The following PPP2R5A variants were observed in gnomAD, a reference collection of about 807,000 sequenced individuals.
PPP2R5A encodes serine/threonine-protein phosphatase 2A 56 kDa regulatory subunit alpha isoform.
PPP2R5A carries 25 observed loss-of-function variants against 64.2 expected under a neutral mutation model. That is an observed-to-expected ratio of 0.39 (90% CI 0.28 to 0.54). The LOEUF (loss-of-function observed/expected upper bound fraction) is 0.54, where lower values mean the gene tolerates loss of function less well. Ranked by LOEUF, PPP2R5A falls within the 20% of genes least tolerant of loss-of-function variation. The pLI is 0.67. For missense variants in PPP2R5A, 425 were observed against 576.3 expected (o/e 0.74, Z 2.69); for synonymous variants, 198 against 201.2 (o/e 0.98, Z 0.13).
At chr1:212,326,241 TG>T (rs955978285) in intron 1 of PPP2R5A, among the ~76,000 whole-genome samples, 33 of 144,036 alleles carry the variant, frequency 2.3e-4, no homozygotes, top group African/African-American at 3.2e-4. Context: ...GCAAATTCAA[TG>T]TTTTTTTTTT....
At chr1:212,334,020 A>G (rs1659550647) in intron 3 of PPP2R5A, 1 of 153,388 alleles carries the variant, frequency 6.5e-6, no homozygotes, top group Admixed American at 6.5e-5. Flanking sequence ...TATAAGTGAA[A>G]TTATGTAATA....
At chr1:212,353,274 C>T (rs1362681359) in intron 8 of PPP2R5A, among the ~76,000 whole-genome samples, 1 of 152,172 alleles carries the variant, frequency 6.6e-6, no homozygotes. Flanking sequence ...GCCAAGACAG[C>T]GAGTCTACTA....
intron 1 of PPP2R5A, among the ~76,000 whole-genome samples, chr1:212,314,557 A>ATTTT (rs1212438178): frequency 7.8e-6 from 1 of 127,826 alleles, no homozygotes; most frequent in African/African-American, 3.0e-5. Context: ...CACCAAGCCT[A>ATTTT]TTTTTTTTTT....
chr1:212,352,124 C>T (rs1322082336), intron 8 of PPP2R5A, among the ~76,000 whole-genome samples: 1 of 151,358 alleles, frequency 6.6e-6, no homozygotes, highest in Non-Finnish European at 1.5e-5. Context: ...CCTGGGTTCA[C>T]GCAATTCTTG....
chr1:212,333,701 CTT>C, intron 3 of PPP2R5A, 103 bp downstream of exon 3: 1 of 610,808 alleles, frequency 1.6e-6, no homozygotes, highest in Non-Finnish European at 2.6e-6. Context: ...AAATATTTGA[CTT>C]TTATGGTTTT....
chr1:212,358,565 A>G, intron 11 of PPP2R5A, 121 bp from the exon 12 acceptor site: 1 of 654,258 alleles, frequency 1.5e-6, no homozygotes, highest in Non-Finnish European at 2.6e-6. Flanking sequence ...CCTCAGTTTT[A>G]TCATCTCTAA....
intron 1 of PPP2R5A, among the ~76,000 whole-genome samples, chr1:212,295,604 A>G (rs1461992642): frequency 6.6e-6 from 1 of 152,170 alleles, no homozygotes; most frequent in Non-Finnish European, 1.5e-5. Flanking sequence ...TGGGTAAGGG[A>G]AAAAGGTACA....
chr1:212,356,354 C>T (rs541172186), intron 8 of PPP2R5A, among the ~76,000 whole-genome samples: 28 of 152,246 alleles, frequency 1.8e-4, no homozygotes, highest in African/African-American at 5.8e-4. Context: ...TCCATTAGAA[C>T]GTAAGCTCTG....
At position 212,286,170 on chromosome 1, in the gene PPP2R5A, A is replaced by G. The variant is rs987974507; in HGVS notation, c.60A>G (p.Lys20=). ...AASAAISASE[K]VDGFTRKSVR... ...GCGCCGCCATCTCGGCCTCGGAGAAAGTGGACGGCTTCACCCGGAAATCGG... is the reference window on the plus strand; with the variant it reads ...GCGCCGCCATCTCGGCCTCGGAGAAGGTGGACGGCTTCACCCGGAAATCGG... The change falls in exon 1 of 13, where the codon AAA becomes AAG. Residue 20 remains lysine (K), a synonymous_variant. Transcript: ENST00000261461. 9.4e-6 allele frequency: 15 copies of G among 1,591,932 alleles called. No homozygotes were observed. The highest frequency in any genetic ancestry group is 1.3e-5 in the Non-Finnish European group (15 of 1,170,696).
intron 1 of PPP2R5A, among the ~76,000 whole-genome samples, chr1:212,293,047 G>A (rs1658630979): frequency 6.6e-6 from 1 of 152,110 alleles, no homozygotes; most frequent in African/African-American, 2.4e-5. Flanking sequence ...CATGGCTTCA[G>A]GATGCTAAAA....
chr1:212,333,707 T>C, intron 3 of PPP2R5A, 109 bp downstream of exon 3: 1 of 576,828 alleles, frequency 1.7e-6, no homozygotes, highest in Non-Finnish European at 2.8e-6. Flanking sequence ...TTGACTTTTA[T>C]GGTTTTATTA....
chr1:212,334,899 A>G (rs1486954399), intron 3 of PPP2R5A, among the ~76,000 whole-genome samples: 1 of 151,848 alleles, frequency 6.6e-6, no homozygotes, highest in East Asian at 1.9e-4. Context: ...TTGTTTATTG[A>G]GTTACAATTA....
intron 8 of PPP2R5A, among the ~76,000 whole-genome samples, chr1:212,350,218 G>T (rs1458990195): frequency 6.6e-6 from 1 of 152,072 alleles, no homozygotes; most frequent in African/African-American, 2.4e-5. Context: ...TGGAACAAAA[G>T]ACATTTTTCC....
At chr1:212,342,945 T>G (rs1319374493) in intron 4 of PPP2R5A, among the ~76,000 whole-genome samples, 1 of 149,792 alleles carries the variant, frequency 6.7e-6, no homozygotes, top group Non-Finnish European at 1.5e-5. Context: ...TTTCAAAAAT[T>G]TAAAGGCCTC....
chr1:212,286,341 C>A (rs1407740044), intron 1 of PPP2R5A, 50 bp downstream of exon 1: 1 of 1,406,150 alleles, frequency 7.1e-7, no homozygotes, highest in Non-Finnish European at 9.2e-7. Context: ...GCTGGCAACG[C>A]TTGCCTCTGC....
chr1:212,287,372 T>G (rs6672767), intron 1 of PPP2R5A, among the ~76,000 whole-genome samples: 11,773 of 152,284 alleles, frequency 0.077, 1,492 homozygotes, highest in African/African-American at 0.26. Flanking sequence ...TTGAAAAAGC[T>G]GCAGCATCCC....
At position 212,357,219 on chromosome 1, in the gene PPP2R5A, C is replaced by T. The variant is rs755329124; in HGVS notation, c.1161C>T (p.Asn387=). 6.3e-7 allele frequency: 1 copy of T among 1,595,578 alleles called. No individual in the cohort carries two copies. The highest frequency in any genetic ancestry group is 1.2e-5 in the South Asian group (1 of 86,466). Residue 387 remains asparagine (N), a synonymous_variant, in exon 11 of 13, where the codon AAC becomes AAT. Coordinates refer to ENST00000261461, the MANE Select transcript of PPP2R5A (RefSeq NM_006243.4). ...ATATTCTTAGTTTGATTGAGGAGAACATTGATAAAATTCTGCCAATTATGT... is the reference window on the plus strand; with the variant it reads ...ATATTCTTAGTTTGATTGAGGAGAATATTGATAAAATTCTGCCAATTATGT... ...NEYILSLIEE[N]IDKILPIMFA...
At chr1:212,320,325 A>G (rs1171640060) in intron 1 of PPP2R5A, among the ~76,000 whole-genome samples, 4 of 152,090 alleles carry the variant, frequency 2.6e-5, no homozygotes, top group South Asian at 2.1e-4. Flanking sequence ...AACAAAATCA[A>G]AAGTCTCCCA....
chr1:212,290,329 C>G (rs989613716), intron 1 of PPP2R5A, among the ~76,000 whole-genome samples: 2 of 152,144 alleles, frequency 1.3e-5, no homozygotes, highest in Non-Finnish European at 2.9e-5. Flanking sequence ...AACCGTACTA[C>G]TCACTCAACT....
Sources: allele counts gnomAD v4.1 joint callset (sites outside exome capture counted in the v4.1 genomes callset), GRCh38; gene constraint gnomAD v4.1.1; transcripts MANE v1.5; gene names NCBI Gene and HGNC (gene_info 2026-07-23, HGNC 2026-07-21).